The following STARD9 variants were observed in gnomAD, a reference collection of about 807,000 sequenced individuals.
STARD9 encodes stAR-related lipid transfer protein 9.
Under a neutral mutation model 399.8 loss-of-function variants are expected in STARD9, and 346 were observed. The observed-to-expected ratio is 0.87, with a 90% CI of 0.79 to 0.95. STARD9 has a LOEUF of 0.95. STARD9 is among the 40% of genes least tolerant of loss of function. The pLI is 0.00. For missense variants in STARD9, 5,832 were observed against 5,667.5 expected (o/e 1.03, Z -0.93); for synonymous variants, 2,203 against 2,143.5 (o/e 1.03, Z -0.77).
intron 3 of STARD9, among the ~76,000 whole-genome samples, chr15:42,600,251 A>G (rs1417454889): frequency 6.6e-6 from 1 of 152,210 alleles, no homozygotes; most frequent in Non-Finnish European, 1.5e-5. Flanking sequence ...TCCAGCCTAT[A>G]TAGGACATGT....
intron 20 of STARD9, among the ~76,000 whole-genome samples, chr15:42,677,907 T>C (rs1204442436): frequency 6.6e-6 from 1 of 152,174 alleles, no homozygotes; most frequent in Non-Finnish European, 1.5e-5. Context: ...TACATCATGG[T>C]GTTGTGCTCT....
chr15:42,686,028 T>C lies in STARD9; in HGVS notation c.4450T>C (p.Trp1484Arg), dbSNP rs1028775436. The C allele has an allele frequency of 9.8e-6, 15 of 1,537,360 alleles. No individual in the cohort carries two copies. Among genetic ancestry groups the C allele is most frequent in the Non-Finnish European group, 1.1e-5 (13 of 1,146,930 alleles). ...TGTAGGCAGCACCCATGAAAGGGAT[T>C]GGTCTGCCCTTCAGCAGAAGTACCT... ...THVGSTHERDWSALQQKYLLE... is the reference protein window; with the variant it reads ...THVGSTHERDRSALQQKYLLE... Residue 1484 changes from tryptophan to arginine, a missense_variant, in exon 23 of 33, where the codon TGG becomes CGG. Physicochemically the swap from Trp to Arg is moderately radical, Grantham distance 101 (BLOSUM62 -3). Coordinates refer to ENST00000290607, the MANE Select transcript of STARD9 (RefSeq NM_020759.3).
intron 3 of STARD9, among the ~76,000 whole-genome samples, chr15:42,603,191 C>T (rs62019320): frequency 0.1 from 15,897 of 152,106 alleles, 1,061 homozygotes; most frequent in Non-Finnish European, 0.15. Flanking sequence ...TATTTATTTT[C>T]GAGACAGAGT....
chr15:42,676,006 AC>A (rs2060304324), intron 20 of STARD9, 31 bp downstream of exon 20: 1 of 1,342,634 alleles, frequency 7.4e-7, no homozygotes, highest in Non-Finnish European at 9.9e-7. Flanking sequence ...CTGATGTGGA[AC>A]CTACTGGGTT....
In STARD9 at chr15:42,587,044, C is replaced by T. The variant is rs137908602; in HGVS notation, c.234+1407C>T. On this transcript the variant is annotated intron_variant, in intron 3 of 32. Transcript: ENST00000290607. The stretch of plus-strand genomic sequence containing the variant: ...CTAATTTTTGTATTTTTTGTAGAGA[C>T]AGGTTTTCATCATGTTGCCCAGGCT... 5.3e-3 allele frequency among the ~76,000 whole-genome samples: 804 copies of T among 152,012 alleles called. 9 individuals carry two copies. Among genetic ancestry groups the T allele is most frequent in the African/African-American group, 0.018 (759 of 41,460 alleles).
chr15:42,601,564 G>T, intron 3 of STARD9, among the ~76,000 whole-genome samples: 1 of 149,714 alleles, frequency 6.7e-6, no homozygotes, highest in South Asian at 2.1e-4. Context: ...GGGGCGGCTG[G>T]CTGGGCGGGG....
Position 42,694,585 on chromosome 15 carries a change from C to G in STARD9, c.12822C>G (p.Phe4274Leu), listed in dbSNP as rs1229280437. The change falls in exon 24 of 33, where the codon TTC (phenylalanine) becomes TTG (leucine). Residue 4274 changes from phenylalanine to leucine, a missense_variant. Phe to Leu is a conservative substitution (Grantham distance 22). This residue lies in a region of STARD9 where 5,828 missense variants were observed against 5,651.1 expected (regional missense o/e 1.03). Coordinates refer to ENST00000290607, the MANE Select transcript of STARD9 (RefSeq NM_020759.3). ...RRERAERLGN[F>L]CRTRSLSPQK... ...AGCGGGCTGAGCGACTTGGGAACTT[C>G]TGCCGGACGCGAAGCCTTAGCCCTC... The G allele has an allele frequency of 2.0e-6, 3 of 1,537,086 alleles. No homozygotes were observed. The African/African-American group carries it at 4.1e-5, about 21-fold the overall frequency.
chr15:42,683,380 T>C (rs1424060568), intron 22 of STARD9, among the ~76,000 whole-genome samples: 1 of 152,248 alleles, frequency 6.6e-6, no homozygotes, highest in African/African-American at 2.4e-5. Context: ...CTTGCCTACC[T>C]TCCCATTTTC....
rs2060667886 is a variant in STARD9, at chr15:42,690,584, C to T, written c.9006C>T (p.Ser3002=). The T allele has an allele frequency of 2.6e-6, 4 of 1,537,222 alleles. No homozygotes were observed. In the South Asian group the frequency reaches 4.8e-5, roughly 18 times the overall value. ...TCCACCCACCCTGTGTAGTACCTTC[C>T]AGGGCCTATGAAATGGATGAGACAG... ...HTIHPPCVVP[S]RAYEMDETGE... is the part of the protein sequence containing the mutation. The change falls in exon 23 of 33, where the codon TCC becomes TCT. Residue 3002 remains serine (S), a synonymous_variant. Transcript: ENST00000290607.
chr15:42,591,302 A>T (rs368627646), intron 3 of STARD9, among the ~76,000 whole-genome samples: 15 of 152,326 alleles, frequency 9.8e-5, no homozygotes, highest in Middle Eastern at 6.8e-3. Flanking sequence ...AGCCTGGCCA[A>T]CGTGGCGAAA....
At chr15:42,714,731 C>T (rs1364613707) in intron 26 of STARD9, among the ~76,000 whole-genome samples, 1 of 152,128 alleles carries the variant, frequency 6.6e-6, no homozygotes, top group Non-Finnish European at 1.5e-5. Flanking sequence ...GCACAGTTAT[C>T]TTTTGAATTA....
intron 10 of STARD9, among the ~76,000 whole-genome samples, 194 bp downstream of exon 10, chr15:42,661,419 G>T (rs79710890): frequency 0.039 from 5,910 of 152,172 alleles, 373 homozygotes; most frequent in African/African-American, 0.13. Flanking sequence ...TCTCAATCTT[G>T]GTTGTACATT....
intron 3 of STARD9, among the ~76,000 whole-genome samples, chr15:42,615,377 T>A (rs1169233308): frequency 1.3e-5 from 2 of 152,146 alleles, no homozygotes; most frequent in East Asian, 3.9e-4. Flanking sequence ...TGATTGCTCG[T>A]AATAGTTGAA....
intron 3 of STARD9, among the ~76,000 whole-genome samples, chr15:42,633,289 T>C (rs2059364914): frequency 6.6e-6 from 1 of 152,120 alleles, no homozygotes; most frequent in Non-Finnish European, 1.5e-5. Flanking sequence ...GAAACTGAAG[T>C]TTACAAAGTT....
rs181335046 is a variant in STARD9, at chr15:42,709,431, A to G, written c.13285-7246A>G. 5.1e-3 allele frequency among the ~76,000 whole-genome samples: 776 copies of G among 152,360 alleles called. 4 individuals are homozygous for G. Among genetic ancestry groups the G allele is most frequent in the Admixed American group, 7.6e-3 (116 of 15,302 alleles). Reference sequence around the variant, plus strand: ...GCTGGGCAAGGTGGCTCACGCCTGTAATCCCAGCACTTTGGGAGGCAGAGG... The same window carrying G: ...GCTGGGCAAGGTGGCTCACGCCTGTGATCCCAGCACTTTGGGAGGCAGAGG... On this transcript the variant is annotated intron_variant, in intron 26 of 32. Transcript: ENST00000290607.
chr15:42,662,624 G>A (rs1218235207), intron 10 of STARD9, among the ~76,000 whole-genome samples, 170 bp from the exon 11 acceptor site: 1 of 152,132 alleles, frequency 6.6e-6, no homozygotes, highest in African/African-American at 2.4e-5. Flanking sequence ...AAAAAGTCCA[G>A]TTCATTACAA....
At chr15:42,714,668 C>G (rs1282838545) in intron 26 of STARD9, among the ~76,000 whole-genome samples, 2 of 152,138 alleles carry the variant, frequency 1.3e-5, no homozygotes. Context: ...ATGTTTCAAA[C>G]TCCTGGACTC....
Position 42,689,445 on chromosome 15 carries a change from G to C in STARD9, c.7867G>C (p.Ala2623Pro). The change falls in exon 23 of 33, where the codon GCT becomes CCT. Residue 2623 changes from alanine to proline, a missense_variant. Ala to Pro is a conservative substitution (Grantham distance 27, BLOSUM62 -1). This residue lies in a region of STARD9 where 5,828 missense variants were observed against 5,651.1 expected (regional missense o/e 1.03). Transcript: ENST00000290607. ...GGGATTTCATGTGGCATCTCTATCT[G>C]CTGAAGCAGGGCAGATAGATCTGTT... ...APGFHVASLS[A>P]EAGQIDLLPD... is the part of the protein sequence containing the mutation. 1 of 1,537,378 alleles carries C rather than the reference G, an allele frequency of 6.5e-7. No individual in the cohort carries two copies. Among genetic ancestry groups the C allele is most frequent in the Non-Finnish European group, 8.7e-7 (1 of 1,146,944 alleles).
intron 1 of STARD9, 41 bp from the exon 2 acceptor site, chr15:42,583,305 T>G (rs1398307536): frequency 6.7e-7 from 1 of 1,482,750 alleles, no homozygotes; most frequent in East Asian, 2.5e-5. Context: ...TTTCTTGATT[T>G]TAAAAACAAC....
Sources: allele counts gnomAD v4.1 joint callset (sites outside exome capture counted in the v4.1 genomes callset), GRCh38; gene constraint gnomAD v4.1.1; regional missense constraint gnomAD v4.1.1; transcripts MANE v1.5; gene names NCBI Gene and HGNC (gene_info 2026-07-23, HGNC 2026-07-21).